The following CLIC6 variants were observed in gnomAD, a reference collection of about 807,000 sequenced individuals.
CLIC6 encodes CLIC family member 6, also known as chloride intracellular channel protein 6.
Under a neutral mutation model 49.2 loss-of-function variants are expected in CLIC6, and 39 were observed. The ratio of observed to expected loss-of-function variants is 0.79; its 90% CI spans 0.61 to 1.04. The LOEUF (loss-of-function observed/expected upper bound fraction) is 1.04. Ranked by LOEUF, CLIC6 falls within the 50% of genes least tolerant of loss-of-function variation. The pLI is 0.00. For synonymous variants in CLIC6, 446 were observed against 433.4 expected (o/e 1.03, Z -0.36); for missense variants, 988 against 993.1 (o/e 0.99, Z 0.07).
At chr21:34,711,396 G>C (rs895566035) in intron 5 of CLIC6, among the ~76,000 whole-genome samples, 1 of 152,114 alleles carries the variant, frequency 6.6e-6, no homozygotes, top group East Asian at 1.9e-4. Flanking sequence ...GCTAGGTGTG[G>C]TGGTGTGCGC....
At chr21:34,670,987 G>T (rs574928191) in intron 1 of CLIC6, among the ~76,000 whole-genome samples, 1 of 151,824 alleles carries the variant, frequency 6.6e-6, no homozygotes, top group Admixed American at 6.5e-5. Context: ...GACTTTGGGG[G>T]TGGGGGCGAC....
At chr21:34,674,676 T>C (rs918176350) in intron 1 of CLIC6, among the ~76,000 whole-genome samples, 1 of 152,252 alleles carries the variant, frequency 6.6e-6, no homozygotes, top group Non-Finnish European at 1.5e-5. Flanking sequence ...ATTATGCTAA[T>C]TTTTAGTTTT....
chr21:34,702,756 A>G (rs1214418325), intron 1 of CLIC6, among the ~76,000 whole-genome samples: 1 of 152,078 alleles, frequency 6.6e-6, no homozygotes, highest in Non-Finnish European at 1.5e-5. Context: ...GGATTCAGGG[A>G]AGTGTGTGGG....
In CLIC6 at chr21:34,698,927, G is replaced by C. The variant is rs573908412; in HGVS notation, c.1375-8353G>C. Reference sequence around the variant, plus strand: ...GTGGCTTCAAAAGCAGAAACGCTGTGCTGGGCAAGAGACTGATGATCAGGT... The same window carrying C: ...GTGGCTTCAAAAGCAGAAACGCTGTCCTGGGCAAGAGACTGATGATCAGGT... On this transcript the variant is annotated intron_variant, in intron 1 of 5. Coordinates refer to ENST00000349499, the MANE Select transcript of CLIC6 (RefSeq NM_053277.3). Among the ~76,000 whole-genome samples the C allele has an allele frequency of 2.4e-3, 358 of 152,314 alleles. 2 individuals are homozygous for C. The highest frequency in any genetic ancestry group is 8.2e-3 in the African/African-American group (342 of 41,576).
intron 1 of CLIC6, among the ~76,000 whole-genome samples, chr21:34,691,408 A>G (rs768640437): frequency 5.9e-5 from 9 of 152,132 alleles, no homozygotes; most frequent in Non-Finnish European, 1.2e-4. Context: ...GATTTAATAC[A>G]TAATATGATT....
rs2056095384 is a variant in CLIC6, at chr21:34,717,672, A to G, written c.*1190A>G. 1 of 152,184 alleles carries G rather than the reference A, an allele frequency of 6.6e-6. No individual in the cohort carries two copies. The highest frequency in any genetic ancestry group is 1.5e-5 in the Non-Finnish European group (1 of 68,048). The allele number at this position is 152,184 out of a possible 1,614,324, so 9.4% of individuals were successfully genotyped here. On this transcript the variant is annotated 3_prime_UTR_variant, in exon 6 of 6. Coordinates refer to ENST00000349499, the MANE Select transcript of CLIC6 (RefSeq NM_053277.3). ...GAAGAGAAAATGTGAGGTTGTTTAGATACTCATCAGGACCTCACAGGAGCT... is the reference window on the plus strand; with the variant it reads ...GAAGAGAAAATGTGAGGTTGTTTAGGTACTCATCAGGACCTCACAGGAGCT...
chr21:34,706,679 A>G (rs1485948844), intron 1 of CLIC6, among the ~76,000 whole-genome samples: 1 of 152,198 alleles, frequency 6.6e-6, no homozygotes, highest in Non-Finnish European at 1.5e-5. Flanking sequence ...TCATGCAGGA[A>G]GCTTTGAGTC....
chr21:34,699,765 G>A (rs1164154155), intron 1 of CLIC6, among the ~76,000 whole-genome samples: 2 of 152,158 alleles, frequency 1.3e-5, no homozygotes, highest in African/African-American at 2.4e-5. Context: ...GGTTAAGAAC[G>A]GAGGTTTAAT....
At chr21:34,711,748 G>A (rs974264776) in intron 5 of CLIC6, among the ~76,000 whole-genome samples, 1 of 151,986 alleles carries the variant, frequency 6.6e-6, no homozygotes, top group African/African-American at 2.4e-5. Context: ...TTGTGCGTGA[G>A]GATACTGACT....
At chr21:34,691,819 C>A (rs1299072600) in intron 1 of CLIC6, among the ~76,000 whole-genome samples, 3 of 152,204 alleles carry the variant, frequency 2.0e-5, no homozygotes, top group Non-Finnish European at 4.4e-5. Flanking sequence ...GCAGGAGAAA[C>A]TGATGATGTA....
At chr21:34,676,966 T>C (rs985721392) in intron 1 of CLIC6, among the ~76,000 whole-genome samples, 3 of 152,064 alleles carry the variant, frequency 2.0e-5, no homozygotes, top group African/African-American at 7.2e-5. Flanking sequence ...GTGGGCCCTA[T>C]ATCTGGGCAT....
chr21:34,690,861 C>CAAAA (rs33931156), intron 1 of CLIC6, among the ~76,000 whole-genome samples: 9 of 99,608 alleles, frequency 9.0e-5, no homozygotes, highest in South Asian at 3.8e-4. Context: ...TAATACATGT[C>CAAAA]AAAAAAAAAA....
intron 1 of CLIC6, among the ~76,000 whole-genome samples, chr21:34,703,229 C>T (rs1422456045): frequency 6.6e-6 from 1 of 152,150 alleles, no homozygotes; most frequent in Admixed American, 6.5e-5. Context: ...ATCTTCTCTC[C>T]ACCACCTCCA....
intron 1 of CLIC6, among the ~76,000 whole-genome samples, chr21:34,687,303 A>T (rs1052031111): frequency 2.0e-5 from 3 of 152,178 alleles, no homozygotes; most frequent in Non-Finnish European, 4.4e-5. Context: ...TCAAGAACCT[A>T]AACCACCGGG....
At chr21:34,680,903 C>G (rs906650962) in intron 1 of CLIC6, among the ~76,000 whole-genome samples, 3 of 152,198 alleles carry the variant, frequency 2.0e-5, no homozygotes, top group Non-Finnish European at 1.5e-5. Flanking sequence ...TAGGAAGTTC[C>G]AAACTTTCCC....
chr21:34,690,098 C>A (rs933974472), intron 1 of CLIC6, among the ~76,000 whole-genome samples: 1 of 152,158 alleles, frequency 6.6e-6, no homozygotes, highest in African/African-American at 2.4e-5. Flanking sequence ...GCAGGAATGT[C>A]CAGACCCTTG....
chr21:34,698,808 T>C (rs1990135676), intron 1 of CLIC6, among the ~76,000 whole-genome samples: 1 of 152,112 alleles, frequency 6.6e-6, no homozygotes, highest in East Asian at 1.9e-4. Flanking sequence ...CTAAGGAAAA[T>C]GGCATCTTAT....
chr21:34,679,880 C>T (rs934449394), intron 1 of CLIC6, among the ~76,000 whole-genome samples: 7 of 152,234 alleles, frequency 4.6e-5, no homozygotes, highest in African/African-American at 7.2e-5. Flanking sequence ...GGTACAGCAT[C>T]CCTCTTGGCT....
chr21:34,669,451 C>T lies in CLIC6; in HGVS notation c.63C>T (p.Pro21=), dbSNP rs1468039731. The change falls in exon 1 of 6, where the codon CCC becomes CCT. Residue 21 remains proline (P), a synonymous_variant. Coordinates refer to ENST00000349499, the MANE Select transcript of CLIC6 (RefSeq NM_053277.3). ...GTCCCCAGGGGCCGCCGGAGGTCCC[C>T]GCGCCTCTGGCTGAGAGACCCGGAG... The part of the protein sequence containing the change: ...APGPQGPPEV[P]APLAERPGEP... 1.9e-5 allele frequency: 23 copies of T among 1,233,726 alleles called. No homozygotes were observed. Among genetic ancestry groups the T allele is most frequent in the Non-Finnish European group, 2.2e-5 (22 of 989,354 alleles). The allele number at this position is 1,233,726 out of a possible 1,614,324, so 76.4% of individuals were successfully genotyped here. A position where few individuals can be genotyped will look rare whatever the true frequency, so the allele number is the denominator to read the frequency against.
Sources: allele counts gnomAD v4.1 joint callset (sites outside exome capture counted in the v4.1 genomes callset), GRCh38; gene constraint gnomAD v4.1.1; transcripts MANE v1.5; gene names NCBI Gene and HGNC (gene_info 2026-07-23, HGNC 2026-07-21).